The following MRPS28 variants were observed in gnomAD, a reference collection of about 807,000 sequenced individuals.
MRPS28 encodes small ribosomal subunit protein bS1m.
Under a neutral mutation model 10.8 loss-of-function variants are expected in MRPS28, and 7 were observed. That is an observed-to-expected ratio of 0.65 (90% CI 0.37 to 1.22). The LOEUF is 1.22. Ranked by LOEUF, MRPS28 falls within the 50% of genes most tolerant of loss-of-function variation. The pLI, the probability that MRPS28 is intolerant of heterozygous loss-of-function variation, is 0.02. For missense variants in MRPS28, 265 were observed against 232.9 expected (o/e 1.14, Z -0.90); for synonymous variants, 121 against 93.3 (o/e 1.30, Z -1.71).
intron 2 of MRPS28, among the ~76,000 whole-genome samples, chr8:79,952,912 C>T (rs1478465600): frequency 1.3e-5 from 2 of 152,140 alleles, no homozygotes; most frequent in Non-Finnish European, 2.9e-5. Context: ...AAATCATAAT[C>T]TCTTGCAAAA....
At chr8:80,018,377 T>C (rs1031870688) in intron 1 of MRPS28, among the ~76,000 whole-genome samples, 7 of 150,968 alleles carry the variant, frequency 4.6e-5, no homozygotes, top group African/African-American at 7.3e-5. Context: ...AACAGGCTTA[T>C]GAAAAAGTGC....
At chr8:79,967,897 T>G (rs1259390119) in intron 2 of MRPS28, among the ~76,000 whole-genome samples, 1 of 152,166 alleles carries the variant, frequency 6.6e-6, no homozygotes, top group Non-Finnish European at 1.5e-5. Flanking sequence ...TTAATATATG[T>G]GTATATATCA....
At chr8:79,946,796 C>T (rs764363131) in intron 2 of MRPS28, among the ~76,000 whole-genome samples, 1 of 152,064 alleles carries the variant, frequency 6.6e-6, no homozygotes, top group Non-Finnish European at 1.5e-5. Flanking sequence ...ATTTTTCTAA[C>T]TAAAATAACA....
intron 2 of MRPS28, among the ~76,000 whole-genome samples, chr8:79,961,906 A>C (rs1256184465): frequency 3.3e-5 from 5 of 152,182 alleles, no homozygotes; most frequent in Non-Finnish European, 7.4e-5. Flanking sequence ...AATACTGACC[A>C]GCATGCCATT....
chr8:79,921,272 G>C (rs1236194599), intron 2 of MRPS28, among the ~76,000 whole-genome samples: 1 of 151,986 alleles, frequency 6.6e-6, no homozygotes, highest in Non-Finnish European at 1.5e-5. Flanking sequence ...TGGCGATGTG[G>C]GCTCTTTTTT....
chr8:79,953,081 C>T (rs1807118693), intron 2 of MRPS28, among the ~76,000 whole-genome samples: 2 of 152,214 alleles, frequency 1.3e-5, no homozygotes, highest in African/African-American at 4.8e-5. Context: ...CCTAATCCTG[C>T]TCTGACCTCA....
At chr8:79,946,782 G>A (rs566547427) in intron 2 of MRPS28, among the ~76,000 whole-genome samples, 128 of 152,186 alleles carry the variant, frequency 8.4e-4, no homozygotes, top group Admixed American at 1.6e-3. Context: ...TTTGCAAAAT[G>A]ATTATTTTTC....
At chr8:79,927,173 T>C (rs1289875060) in intron 2 of MRPS28, among the ~76,000 whole-genome samples, 4 of 152,354 alleles carry the variant, frequency 2.6e-5, no homozygotes, top group East Asian at 1.9e-4. Context: ...GATTAACAGG[T>C]ATTTTCACCT....
chr8:79,970,233 A>C (rs921547311), intron 2 of MRPS28, among the ~76,000 whole-genome samples: 3 of 152,098 alleles, frequency 2.0e-5, no homozygotes, highest in Non-Finnish European at 2.9e-5. Context: ...ACCTAGATTC[A>C]AGGATACCTA....
intron 2 of MRPS28, among the ~76,000 whole-genome samples, chr8:79,932,842 G>C (rs959570244): frequency 2.0e-5 from 3 of 152,176 alleles, no homozygotes; most frequent in Admixed American, 6.5e-5. Flanking sequence ...ATTCACTCAG[G>C]ACCATGGTAG....
At chr8:80,026,285 T>C (rs1809491892) in intron 1 of MRPS28, among the ~76,000 whole-genome samples, 1 of 152,214 alleles carries the variant, frequency 6.6e-6, no homozygotes, top group Non-Finnish European at 1.5e-5. Flanking sequence ...ATAAATATGT[T>C]AGAAAAACAC....
chr8:79,936,568 C>T (rs956783412), intron 2 of MRPS28, among the ~76,000 whole-genome samples: 1 of 152,012 alleles, frequency 6.6e-6, no homozygotes, highest in African/African-American at 2.4e-5. Context: ...TTATTTAAAA[C>T]AGAAACAATT....
intron 2 of MRPS28, among the ~76,000 whole-genome samples, chr8:79,980,833 G>A (rs190891821): frequency 6.6e-6 from 1 of 152,298 alleles, no homozygotes; most frequent in Non-Finnish European, 1.5e-5. Flanking sequence ...CCTTTGGAGG[G>A]AAAATTTAAT....
chr8:79,972,362 T>A (rs553844304), intron 2 of MRPS28, among the ~76,000 whole-genome samples: 1 of 152,216 alleles, frequency 6.6e-6, no homozygotes, highest in Non-Finnish European at 1.5e-5. Context: ...AGGATACCTA[T>A]ACCCCATTTT....
At chr8:79,946,279 A>C (rs1806917173) in intron 2 of MRPS28, among the ~76,000 whole-genome samples, 1 of 152,100 alleles carries the variant, frequency 6.6e-6, no homozygotes, top group Non-Finnish European at 1.5e-5. Flanking sequence ...CATCCTTCTA[A>C]AAATCATCCA....
intron 2 of MRPS28, among the ~76,000 whole-genome samples, chr8:79,971,685 C>G (rs1465655341): frequency 6.6e-6 from 1 of 152,170 alleles, no homozygotes; most frequent in Non-Finnish European, 1.5e-5. Flanking sequence ...TGTATCACGT[C>G]TTAGTACTTC....
chr8:79,982,714 G>C (rs559177333), intron 2 of MRPS28, among the ~76,000 whole-genome samples: 1 of 152,142 alleles, frequency 6.6e-6, no homozygotes, highest in Non-Finnish European at 1.5e-5. Flanking sequence ...GCTGAGGGAC[G>C]GGCACCCGCC....
chr8:79,968,223 T>C (rs1563528853), intron 2 of MRPS28, among the ~76,000 whole-genome samples: 1 of 152,190 alleles, frequency 6.6e-6, no homozygotes, highest in Non-Finnish European at 1.5e-5. Context: ...TATTTTGTAC[T>C]AGCTTCAATT....
intron 2 of MRPS28, among the ~76,000 whole-genome samples, chr8:79,968,987 T>C (rs1807566593): frequency 6.6e-6 from 1 of 152,136 alleles, no homozygotes; most frequent in Non-Finnish European, 1.5e-5. Context: ...ATAATAACAG[T>C]GTGTGTCCAA....
Sources: allele counts gnomAD v4.1 joint callset (sites outside exome capture counted in the v4.1 genomes callset), GRCh38; gene constraint gnomAD v4.1.1; transcripts MANE v1.5; gene names NCBI Gene and HGNC (gene_info 2026-07-23, HGNC 2026-07-21).